Variants in MTX2 observed in about 807,000 individuals in gnomAD.
The protein encoded by MTX2 is metaxin 2.
In MTX2, 35 loss-of-function variants were observed where a neutral mutation model predicts 42.3. The observed-to-expected ratio is 0.83, with a 90% CI of 0.63 to 1.10. The LOEUF is 1.10. MTX2 is among the 50% of genes least tolerant of loss of function. The pLI, the probability that MTX2 is intolerant of heterozygous loss-of-function variation, is 0.00. For synonymous variants in MTX2, 119 were observed against 100.9 expected, an observed-to-expected ratio of 1.18 and a Z score of -1.08; for missense variants, 307 against 304.1, an observed-to-expected ratio of 1.01 and a Z score of -0.07.
intron 3 of MTX2, among the ~76,000 whole-genome samples, chr2:176,305,942 C>G (rs997414683): frequency 2.0e-5 from 3 of 151,910 alleles, no homozygotes; most frequent in African/African-American, 7.3e-5. Context: ...ACTTTAAGTT[C>G]TAGGGTACAT....
At chr2:176,328,722 AC>A in intron 6 of MTX2, 151 bp from the exon 7 acceptor site, 1 of 626,088 alleles carries the variant, frequency 1.6e-6, no homozygotes, top group Non-Finnish European at 2.8e-6. Flanking sequence ...TACCATCATT[AC>A]ATTTTTGTGG....
chr2:176,269,980 G>C (rs1692759205), intron 1 of MTX2, among the ~76,000 whole-genome samples: 1 of 152,086 alleles, frequency 6.6e-6, no homozygotes, highest in South Asian at 2.1e-4. Context: ...TTGAGGTGGG[G>C]GGCGTTACCA....
intron 1 of MTX2, among the ~76,000 whole-genome samples, chr2:176,287,593 A>C (rs1693236132): frequency 1.3e-5 from 2 of 152,182 alleles, no homozygotes; most frequent in African/African-American, 4.8e-5. Context: ...ACCTGTATGT[A>C]ACAAGCAATA....
chr2:176,326,774 C>CT, intron 4 of MTX2, 51 bp from the exon 5 acceptor site: 1 of 1,156,300 alleles, frequency 8.6e-7, no homozygotes, highest in South Asian at 1.5e-5. Context: ...TTATCACAAA[C>CT]TTTAACATAC....
In MTX2 at chr2:176,328,326, CA is replaced by C; in HGVS notation, c.324del (p.Ala109GlnfsTer3). 2 of 1,589,170 alleles carry C rather than the reference CA, an allele frequency of 1.3e-6. No homozygotes were observed. The highest frequency in any genetic ancestry group is 1.7e-6 in the Non-Finnish European group (2 of 1,168,176). ...TCTTAGTGATGGGCTGGAGGAAGTC[CA>C]AAAAGCAGAAATGAAAGCTTACATG... Reference protein sequence around the residue: ...HSLSDGLEEVQKAEMKAYMEL... With the variant: ...HSLSDGLEEVXKAEMKAYMEL... On this transcript the variant is annotated frameshift_variant, in exon 6 of 10. Transcript: ENST00000249442. LOFTEE classifies it high-confidence loss of function.
chr2:176,278,768 T>G (rs1463897804), intron 1 of MTX2, among the ~76,000 whole-genome samples: 1 of 152,214 alleles, frequency 6.6e-6, no homozygotes, highest in Non-Finnish European at 1.5e-5. Flanking sequence ...CTCATTTTTT[T>G]TTCAAAGACA....
Position 176,288,791 on chromosome 2 carries a change from ATGT to A in MTX2, c.41-8065_41-8063del, listed in dbSNP as rs1008408287. The stretch of plus-strand genomic sequence containing the variant: ...CCTACATTCATGTGGCAGAGGAGTC[ATGT>A]TGTACATCAAGAAGGCAGAACTTAA... On this transcript the variant is annotated intron_variant, in intron 1 of 9. Transcript: ENST00000249442. Among the ~76,000 whole-genome samples the A allele has an allele frequency of 1.6e-4, 24 of 152,126 alleles. 1 individual carries two copies. The highest frequency in any genetic ancestry group is 4.3e-4 in the African/African-American group (18 of 41,548).
intron 1 of MTX2, among the ~76,000 whole-genome samples, chr2:176,274,025 T>G (rs1558921674): frequency 6.6e-6 from 1 of 152,162 alleles, no homozygotes; most frequent in Non-Finnish European, 1.5e-5. Context: ...GATGTGCACT[T>G]TGCTTGAATA....
intron 1 of MTX2, among the ~76,000 whole-genome samples, chr2:176,287,246 C>T (rs931745486): frequency 1.3e-5 from 2 of 152,140 alleles, no homozygotes; most frequent in African/African-American, 4.8e-5. Context: ...ACTTTATATG[C>T]ATTCAATGTA....
chr2:176,289,619 A>G (rs1261793802), intron 1 of MTX2, among the ~76,000 whole-genome samples: 1 of 152,092 alleles, frequency 6.6e-6, no homozygotes, highest in Non-Finnish European at 1.5e-5. Context: ...AATTTATTGC[A>G]TCTTTTGTTA....
At chr2:176,302,354 C>A in intron 3 of MTX2, among the ~76,000 whole-genome samples, 1 of 151,990 alleles carries the variant, frequency 6.6e-6, no homozygotes. Context: ...AAATACTTTT[C>A]TCTAAAAATG....
At chr2:176,308,187 G>A (rs1311436639) in intron 3 of MTX2, among the ~76,000 whole-genome samples, 2 of 152,060 alleles carry the variant, frequency 1.3e-5, no homozygotes, top group Admixed American at 1.3e-4. Flanking sequence ...TTCTGTTTAT[G>A]TGATGGATTA....
chr2:176,330,715 T>C (rs1364140660), intron 9 of MTX2, 55 bp downstream of exon 9: 6 of 1,202,658 alleles, frequency 5.0e-6, no homozygotes, highest in Middle Eastern at 2.8e-4. Flanking sequence ...GTTGCAAATT[T>C]CTTTTTTTCA....
At chr2:176,281,454 G>A (rs1322246708) in intron 1 of MTX2, among the ~76,000 whole-genome samples, 2 of 152,112 alleles carry the variant, frequency 1.3e-5, no homozygotes, top group Non-Finnish European at 2.9e-5. Flanking sequence ...CAGCTTGGTG[G>A]CCTGAGGGTA....
chr2:176,281,425 A>T (rs1693074888), intron 1 of MTX2, among the ~76,000 whole-genome samples: 1 of 152,158 alleles, frequency 6.6e-6, no homozygotes, highest in South Asian at 2.1e-4. Context: ...TGGCTTCTTC[A>T]TGTGGCTTGG....
chr2:176,310,749 A>C (rs889495727), intron 3 of MTX2, among the ~76,000 whole-genome samples: 1 of 152,148 alleles, frequency 6.6e-6, no homozygotes, highest in African/African-American at 2.4e-5. Flanking sequence ...CAGCTCTGTC[A>C]GGTCATTTAA....
chr2:176,306,658 C>T (rs899027261), intron 3 of MTX2, among the ~76,000 whole-genome samples: 5 of 152,120 alleles, frequency 3.3e-5, no homozygotes, highest in Non-Finnish European at 7.4e-5. Flanking sequence ...CTTTGATGAC[C>T]AGTGATGATG....
intron 3 of MTX2, among the ~76,000 whole-genome samples, chr2:176,310,066 G>C (rs1684263611): frequency 1.3e-5 from 2 of 152,084 alleles, no homozygotes; most frequent in African/African-American, 2.4e-5. Context: ...TCCATGTTTA[G>C]TGCTTCCTTC....
chr2:176,296,835 A>G, intron 1 of MTX2, 25 bp from the exon 2 acceptor site: 2 of 1,612,426 alleles, frequency 1.2e-6, no homozygotes, highest in Non-Finnish European at 8.5e-7. Flanking sequence ...TTATGTGCCT[A>G]ATTATCACTG....
Sources: allele counts gnomAD v4.1 joint callset (sites outside exome capture counted in the v4.1 genomes callset), GRCh38; gene constraint gnomAD v4.1.1; transcripts MANE v1.5; gene names NCBI Gene and HGNC (gene_info 2026-07-23, HGNC 2026-07-21).